PARD3: variants seen among roughly 807,000 people sequenced by gnomAD.
The protein encoded by PARD3 is par-3 family cell polarity regulator, also known as partitioning defective 3 homolog.
Under a neutral mutation model 155.4 loss-of-function variants are expected in PARD3, and 75 were observed. The ratio of observed to expected loss-of-function variants is 0.48; its 90% CI spans 0.40 to 0.58. The LOEUF (loss-of-function observed/expected upper bound fraction) is 0.58, where lower values mean the gene tolerates loss of function less well. Among genes scored for constraint, PARD3 ranks in the 20% least tolerant of loss-of-function variants. The pLI, the probability that PARD3 is intolerant of heterozygous loss-of-function variation, is 0.00. For missense variants in PARD3, 1,642 were observed against 1,721.7 expected (o/e 0.95, Z 0.82); for synonymous variants, 576 against 610.5 (o/e 0.94, Z 0.83).
chr10:34,774,221 G>A (rs1317935745), intron 1 of PARD3, among the ~76,000 whole-genome samples: 1 of 152,154 alleles, frequency 6.6e-6, no homozygotes, highest in Admixed American at 6.6e-5. Context: ...AAGCACTACT[G>A]ATGCTAAAAA....
chr10:34,569,415 C>CTA (rs934193530), intron 2 of PARD3, among the ~76,000 whole-genome samples: 13 of 151,708 alleles, frequency 8.6e-5, no homozygotes, highest in South Asian at 2.1e-4. Flanking sequence ...TTACACGTGA[C>CTA]TATATATATA....
chr10:34,200,234 TTAAG>T lies in PARD3; in HGVS notation c.3420-68655_3420-68652del, dbSNP rs142953733. Reference sequence around the variant, plus strand: ...CATGGAAGAATATAGCTTATAGACTTTAAGTAACTGGTATAATGTCACCTAGCTA... The same window carrying T: ...CATGGAAGAATATAGCTTATAGACTTTAACTGGTATAATGTCACCTAGCTA... On this transcript the variant is annotated intron_variant, in intron 22 of 24. Coordinates refer to ENST00000374788, the MANE Select transcript of PARD3 (RefSeq NM_001184785.2). 3.3e-4 allele frequency among the ~76,000 whole-genome samples: 51 copies of T among 152,324 alleles called. 1 individual carries two copies. The highest frequency in any genetic ancestry group is 3.1e-3 in the East Asian group (16 of 5,194).
intron 2 of PARD3, among the ~76,000 whole-genome samples, chr10:34,584,422 C>T (rs1333685990): frequency 6.6e-6 from 1 of 152,118 alleles, no homozygotes; most frequent in Admixed American, 6.6e-5. Context: ...GATATTGCAA[C>T]ATCTCTAAGG....
intron 21 of PARD3, among the ~76,000 whole-genome samples, chr10:34,275,986 G>C (rs1346621170): frequency 6.6e-6 from 1 of 151,948 alleles, no homozygotes. Flanking sequence ...CCAAAACCCA[G>C]CAAAAGACAT....
At chr10:34,723,514 T>C (rs2094643347) in intron 1 of PARD3, among the ~76,000 whole-genome samples, 1 of 152,166 alleles carries the variant, frequency 6.6e-6, no homozygotes, top group Admixed American at 6.6e-5. Context: ...TCCCCAAATT[T>C]TAAGGTCACC....
chr10:34,329,713 G>C (rs1030956568), intron 19 of PARD3, among the ~76,000 whole-genome samples: 4 of 152,052 alleles, frequency 2.6e-5, no homozygotes, highest in Non-Finnish European at 4.4e-5. Context: ...ACTGGGCCTG[G>C]AAAGGCCCAG....
chr10:34,235,705 G>A (rs893687561), intron 22 of PARD3, among the ~76,000 whole-genome samples: 5 of 152,170 alleles, frequency 3.3e-5, no homozygotes, highest in African/African-American at 1.2e-4. Flanking sequence ...TCCACTTGTG[G>A]TCTTACTGGT....
intron 5 of PARD3, among the ~76,000 whole-genome samples, chr10:34,442,705 C>G (rs916225276): frequency 1.3e-5 from 2 of 151,998 alleles, no homozygotes; most frequent in Non-Finnish European, 2.9e-5. Flanking sequence ...CCCACCTGTA[C>G]AAAAAAATTT....
At chr10:34,436,730 C>G (rs2076206318) in intron 5 of PARD3, among the ~76,000 whole-genome samples, 1 of 152,002 alleles carries the variant, frequency 6.6e-6, no homozygotes, top group African/African-American at 2.4e-5. Flanking sequence ...ACTGGCCCAG[C>G]TATACAAAGG....
chr10:34,644,276 G>C (rs2092767944), intron 2 of PARD3, among the ~76,000 whole-genome samples: 2 of 152,318 alleles, frequency 1.3e-5, no homozygotes, highest in Admixed American at 1.3e-4. Flanking sequence ...ATAAAACATA[G>C]AGAGGGACCC....
chr10:34,331,089 A>G, intron 19 of PARD3, 28 bp downstream of exon 19: 1 of 1,550,644 alleles, frequency 6.4e-7, no homozygotes, highest in Non-Finnish European at 8.9e-7. Flanking sequence ...AATTTTAATT[A>G]TTATTCTTTC....
intron 22 of PARD3, among the ~76,000 whole-genome samples, chr10:34,205,484 T>TAAAA (rs1311569626): frequency 6.6e-6 from 1 of 152,204 alleles, no homozygotes; most frequent in East Asian, 1.9e-4. Context: ...ACTCCTCTGT[T>TAAAA]CACTTTATCA....
chr10:34,513,818 T>C (rs1377984337), intron 3 of PARD3, among the ~76,000 whole-genome samples: 1 of 152,236 alleles, frequency 6.6e-6, no homozygotes, highest in Non-Finnish European at 1.5e-5. Context: ...TGATGTCGGA[T>C]TGTCCTGTGC....
intron 20 of PARD3, among the ~76,000 whole-genome samples, chr10:34,300,153 C>G (rs1957080687): frequency 1.3e-5 from 2 of 152,148 alleles, no homozygotes; most frequent in African/African-American, 4.8e-5. Flanking sequence ...AAGATGGACA[C>G]TGTTGCCCTG....
At chr10:34,709,605 C>G (rs2094421098) in intron 1 of PARD3, among the ~76,000 whole-genome samples, 1 of 151,760 alleles carries the variant, frequency 6.6e-6, no homozygotes, top group Admixed American at 6.6e-5. Flanking sequence ...ATGACTACCC[C>G]TGGGCTGAGG....
intron 1 of PARD3, among the ~76,000 whole-genome samples, chr10:34,780,957 T>C (rs924562003): frequency 6.6e-6 from 1 of 152,184 alleles, no homozygotes; most frequent in Non-Finnish European, 1.5e-5. Flanking sequence ...ACGGGAAACA[T>C]AAAAGCAACT....
At chr10:34,494,135 G>C (rs990660371) in intron 3 of PARD3, among the ~76,000 whole-genome samples, 7 of 152,178 alleles carry the variant, frequency 4.6e-5, no homozygotes, top group African/African-American at 1.7e-4. Context: ...AAAATACACA[G>C]CACTACAGGA....
chr10:34,757,109 T>C (rs748193016), intron 1 of PARD3, among the ~76,000 whole-genome samples: 1 of 152,258 alleles, frequency 6.6e-6, no homozygotes, highest in Non-Finnish European at 1.5e-5. Context: ...TCGAAGTCTA[T>C]GACAGCATTT....
intron 22 of PARD3, among the ~76,000 whole-genome samples, chr10:34,187,897 G>A (rs908074247): frequency 1.3e-5 from 2 of 152,034 alleles, no homozygotes; most frequent in African/African-American, 2.4e-5. Context: ...TCTCTCTACC[G>A]TGGCGATGAA....
Sources: allele counts gnomAD v4.1 joint callset (sites outside exome capture counted in the v4.1 genomes callset), GRCh38; gene constraint gnomAD v4.1.1; transcripts MANE v1.5; gene names NCBI Gene and HGNC (gene_info 2026-07-23, HGNC 2026-07-21).